Variants in MYRIP observed in about 807,000 individuals in gnomAD.
MYRIP encodes the protein rab effector MyRIP.
Under a neutral mutation model 98.0 loss-of-function variants are expected in MYRIP, and 49 were observed. That is an observed-to-expected ratio of 0.50 (90% CI 0.40 to 0.63). The LOEUF is 0.63. MYRIP is among the 30% of genes least tolerant of loss of function. The probability of loss-of-function intolerance (pLI) is 0.00; values close to 1 mark genes in which losing one functional copy is unlikely to be tolerated. For missense variants in MYRIP, 1,004 were observed against 1,058.2 expected (o/e 0.95, Z 0.71); for synonymous variants, 404 against 409.5 (o/e 0.99, Z 0.16).
intron 4 of MYRIP, among the ~76,000 whole-genome samples, chr3:40,152,205 G>A (rs1306082527): frequency 3.9e-5 from 6 of 152,226 alleles, no homozygotes; most frequent in Non-Finnish European, 7.3e-5. Flanking sequence ...TGGAGGCAAA[G>A]AAGAAATAAA....
chr3:40,159,762 T>C lies in MYRIP; in HGVS notation c.470-2968T>C, dbSNP rs535368011. 6.1e-3 allele frequency among the ~76,000 whole-genome samples: 935 copies of C among 152,334 alleles called. 6 individuals carry two copies. Among genetic ancestry groups the C allele is most frequent in the African/African-American group, 0.016 (669 of 41,578 alleles). The stretch of plus-strand genomic sequence containing the variant: ...CATTCATTTCATCTTCCATCACTGA[T>C]ACCCTTTCTTCCAGTTGATCGCATC... On this transcript the variant is annotated intron_variant, in intron 4 of 16. Coordinates refer to ENST00000302541, the MANE Select transcript of MYRIP (RefSeq NM_015460.4).
intron 11 of MYRIP, among the ~76,000 whole-genome samples, chr3:40,224,870 C>G (rs768525204): frequency 6.6e-6 from 1 of 152,168 alleles, no homozygotes; most frequent in Non-Finnish European, 1.5e-5. Flanking sequence ...TCTGTGCCAC[C>G]CTCTTGCATC....
At chr3:40,233,586 C>G (rs1025509621) in intron 11 of MYRIP, among the ~76,000 whole-genome samples, 4 of 152,162 alleles carry the variant, frequency 2.6e-5, no homozygotes, top group Admixed American at 2.0e-4. Flanking sequence ...AGAGGACATA[C>G]AGTTTCCACT....
chr3:40,130,566 G>C (rs1351187343), intron 3 of MYRIP, among the ~76,000 whole-genome samples: 8 of 151,452 alleles, frequency 5.3e-5, no homozygotes, highest in African/African-American at 1.9e-4. Flanking sequence ...ATTTTTAGTA[G>C]AGACGGGGTT....
At chr3:40,043,021 T>A (rs886437526) in intron 2 of MYRIP, among the ~76,000 whole-genome samples, 1 of 152,218 alleles carries the variant, frequency 6.6e-6, no homozygotes, top group African/African-American at 2.4e-5. Context: ...CTCAGCATCA[T>A]GATAGAGTAT....
At chr3:39,968,797 G>C (rs1429751735) in intron 2 of MYRIP, among the ~76,000 whole-genome samples, 1 of 152,104 alleles carries the variant, frequency 6.6e-6, no homozygotes, top group Non-Finnish European at 1.5e-5. Flanking sequence ...GATTGCCCTG[G>C]CTATTCAGGC....
intron 3 of MYRIP, among the ~76,000 whole-genome samples, chr3:40,131,048 A>G (rs1472797629): frequency 6.6e-6 from 1 of 152,202 alleles, no homozygotes; most frequent in Admixed American, 6.5e-5. Context: ...ACTAAACTCC[A>G]TAAAGATGGA....
intron 3 of MYRIP, among the ~76,000 whole-genome samples, chr3:40,045,625 G>A (rs188092764): frequency 1.6e-3 from 245 of 152,352 alleles, no homozygotes; most frequent in African/African-American, 5.6e-3. Context: ...TTGTGGCACT[G>A]AGAACAAGAC....
At chr3:39,887,970 A>G (rs981233449) in intron 1 of MYRIP, among the ~76,000 whole-genome samples, 3 of 150,394 alleles carry the variant, frequency 2.0e-5, no homozygotes, top group African/African-American at 7.4e-5. Context: ...CCAACTTACA[A>G]GGGACGTGAA....
chr3:40,100,360 GT>G, intron 3 of MYRIP: 3 of 843,060 alleles, frequency 3.6e-6, no homozygotes, highest in Non-Finnish European at 4.3e-6. Context: ...TTTCATTGAT[GT>G]TTTGCAACAG....
chr3:39,899,663 A>C (rs1943700141), intron 1 of MYRIP, among the ~76,000 whole-genome samples: 1 of 152,186 alleles, frequency 6.6e-6, no homozygotes, highest in South Asian at 2.1e-4. Flanking sequence ...TTGTATTACA[A>C]AGAGATTACA....
intron 2 of MYRIP, among the ~76,000 whole-genome samples, chr3:40,019,233 T>C (rs1946936763): frequency 6.6e-6 from 1 of 152,170 alleles, no homozygotes; most frequent in African/African-American, 2.4e-5. Context: ...CAAGGCCCCT[T>C]AGGACCAACC....
At chr3:39,929,224 T>G (rs1353585781) in intron 2 of MYRIP, among the ~76,000 whole-genome samples, 1 of 152,012 alleles carries the variant, frequency 6.6e-6, no homozygotes, top group African/African-American at 2.4e-5. Context: ...ACTTATATGC[T>G]GAAATAAACT....
chr3:40,124,146 G>A (rs1949468797), intron 3 of MYRIP, among the ~76,000 whole-genome samples: 1 of 152,140 alleles, frequency 6.6e-6, no homozygotes, highest in African/African-American at 2.4e-5. Context: ...AGGGAACTTA[G>A]ACTTCACCTC....
chr3:40,081,468 C>T (rs1260437364), intron 3 of MYRIP, among the ~76,000 whole-genome samples: 1 of 152,184 alleles, frequency 6.6e-6, no homozygotes, highest in Non-Finnish European at 1.5e-5. Context: ...CTTTGGCTCT[C>T]TGCACTGCAT....
intron 1 of MYRIP, among the ~76,000 whole-genome samples, chr3:39,898,286 A>C (rs1943662516): frequency 6.6e-6 from 1 of 152,194 alleles, no homozygotes; most frequent in Non-Finnish European, 1.5e-5. Flanking sequence ...TTTTAAAAAA[A>C]TAGTTGGAAT....
chr3:39,874,427 A>G (rs1432873691), intron 1 of MYRIP, among the ~76,000 whole-genome samples: 2 of 151,986 alleles, frequency 1.3e-5, no homozygotes, highest in African/African-American at 2.4e-5. Context: ...CCAGTTTTCA[A>G]AGGGAATGCT....
intron 2 of MYRIP, among the ~76,000 whole-genome samples, chr3:40,013,750 A>G (rs1183478566): frequency 1.3e-5 from 2 of 152,318 alleles, no homozygotes; most frequent in African/African-American, 4.8e-5. Flanking sequence ...ACCACACATC[A>G]TCACTGTGCA....
At chr3:40,089,219 G>A (rs1036718524) in intron 3 of MYRIP, among the ~76,000 whole-genome samples, 4 of 152,192 alleles carry the variant, frequency 2.6e-5, no homozygotes, top group African/African-American at 9.7e-5. Context: ...GATGGGGAAA[G>A]TAGGTATCTG....
Sources: gnomAD v4.1 joint callset for allele counts (sites outside exome capture counted in the v4.1 genomes callset) on GRCh38, gnomAD v4.1.1 for gene constraint, MANE v1.5 for transcripts, NCBI Gene and HGNC (gene_info 2026-07-23, HGNC 2026-07-21) for gene names.